NMT1: variants seen among roughly 807,000 people sequenced by gnomAD.
The protein encoded by NMT1 is N-myristoyltransferase 1, also known as glycylpeptide N-tetradecanoyltransferase 1.
In NMT1, 12 loss-of-function variants were observed where a neutral mutation model predicts 63.4. The observed-to-expected ratio is 0.19, with a 90% CI of 0.12 to 0.31. NMT1 has a LOEUF of 0.31. NMT1 is among the 10% of genes least tolerant of loss of function. NMT1 has a pLI of 1.00. For missense variants in NMT1, 432 were observed against 634.6 expected, an observed-to-expected ratio of 0.68 and a Z score of 3.43; for synonymous variants, 228 against 234.3, an observed-to-expected ratio of 0.97 and a Z score of 0.25.
At chr17:45,101,803 T>C (rs1028139957) in intron 8 of NMT1, among the ~76,000 whole-genome samples, 1 of 152,134 alleles carries the variant, frequency 6.6e-6, no homozygotes, top group Non-Finnish European at 1.5e-5. Flanking sequence ...CACCTAGTGA[T>C]TGGGGTCATT....
intron 1 of NMT1, among the ~76,000 whole-genome samples, chr17:45,073,788 T>A (rs2053958329): frequency 6.6e-6 from 1 of 152,190 alleles, no homozygotes; most frequent in East Asian, 1.9e-4. Flanking sequence ...AGATGCTAGT[T>A]GGTTGGTTGA....
chr17:45,087,452 A>C (rs2054062236), intron 3 of NMT1, among the ~76,000 whole-genome samples: 1 of 152,212 alleles, frequency 6.6e-6, no homozygotes. Context: ...ACCCCTTAAA[A>C]AAGCTATAAT....
At chr17:45,067,513 G>A (rs1327842606) in intron 1 of NMT1, among the ~76,000 whole-genome samples, 1 of 152,162 alleles carries the variant, frequency 6.6e-6, no homozygotes, top group Non-Finnish European at 1.5e-5. Context: ...CTTAGGAGGA[G>A]AGAAAAGTCT....
chr17:45,074,262 C>T (rs1341141663), intron 1 of NMT1, among the ~76,000 whole-genome samples: 2 of 150,402 alleles, frequency 1.3e-5, no homozygotes, highest in East Asian at 1.9e-4. Flanking sequence ...TCGCCCAGGC[C>T]GGAGTGCAGT....
intron 1 of NMT1, among the ~76,000 whole-genome samples, chr17:45,075,209 TG>T (rs1423511969): frequency 2.0e-5 from 3 of 151,936 alleles, no homozygotes; most frequent in Non-Finnish European, 4.4e-5. Context: ...AACAGCCAGG[TG>T]CGGTGGCTCA....
At chr17:45,073,304 A>G (rs2053955218) in intron 1 of NMT1, among the ~76,000 whole-genome samples, 2 of 152,048 alleles carry the variant, frequency 1.3e-5, no homozygotes, top group African/African-American at 4.8e-5. Context: ...CTGAAATCCC[A>G]GCTTTTCAGG....
intron 7 of NMT1, among the ~76,000 whole-genome samples, chr17:45,099,142 T>C (rs1221023876): frequency 6.6e-6 from 1 of 152,134 alleles, no homozygotes; most frequent in Non-Finnish European, 1.5e-5. Context: ...GGAGTGAGGA[T>C]TGGTCTCCCC....
rs139928454 is a variant in NMT1, at chr17:45,103,914, G to T, written c.1332+38G>T. On this transcript the variant is annotated intron_variant, in intron 10 of 11. Transcript: ENST00000258960. This position sits in a 1 kb window ranked among gnomAD's most constrained non-coding sequence, Gnocchi z 4.8. ...CGGGGGGGTCTCTGGAGATGTGCAG[G>T]GAAGAGGCAGTGGAGCCATGGTGAG... 6.2e-7 allele frequency: 1 copy of T among 1,610,294 alleles called. No homozygotes were observed. Among genetic ancestry groups the T allele is most frequent in the African/African-American group, 1.3e-5 (1 of 74,916 alleles).
chr17:45,078,302 AG>A (rs907139906), intron 1 of NMT1, among the ~76,000 whole-genome samples: 14 of 152,218 alleles, frequency 9.2e-5, no homozygotes, highest in Non-Finnish European at 4.4e-5. Context: ...TATAGAGTTC[AG>A]GTGATGCAGA....
In NMT1 at chr17:45,105,730, G is replaced by A. The variant is rs559236400; in HGVS notation, c.*91G>A. The stretch of plus-strand genomic sequence containing the variant: ...CTGTTGGTCCAATTTTCACACACGT[G>A]AGAATCCCTGGCAAAGGGAGCAGAA... On this transcript the variant is annotated 3_prime_UTR_variant, in exon 12 of 12. Coordinates refer to ENST00000258960, the MANE Select transcript of NMT1 (RefSeq NM_021079.5). The surrounding 1 kb of genome is among the most constrained non-coding windows in gnomAD (Gnocchi z 4.2). 17 of 1,324,072 alleles carry A rather than the reference G, an allele frequency of 1.3e-5. No homozygotes were observed. The South Asian group carries it at 1.9e-4, about 15-fold the overall frequency. The allele number at this position is 1,324,072 out of a possible 1,614,324, so 82.0% of individuals were successfully genotyped here.
intron 3 of NMT1, among the ~76,000 whole-genome samples, 190 bp downstream of exon 3, chr17:45,086,842 T>C (rs374352785): frequency 1.4e-4 from 21 of 152,212 alleles, no homozygotes; most frequent in African/African-American, 4.8e-4. Context: ...CTTACCATTT[T>C]ATAGCAGCAC....
intron 1 of NMT1, chr17:45,071,624 A>T (rs1443783239): frequency 6.6e-6 from 1 of 152,154 alleles, no homozygotes; most frequent in Non-Finnish European, 1.5e-5. Context: ...TGTGAATTTT[A>T]TTTCCCAAAC....
At chr17:45,080,860 G>A (rs187802174) in intron 1 of NMT1, among the ~76,000 whole-genome samples, 6 of 151,234 alleles carry the variant, frequency 4.0e-5, no homozygotes, top group East Asian at 2.0e-4. Flanking sequence ...TCCACCTCCC[G>A]GGTTCAAGCA....
At chr17:45,075,129 A>G (rs1459456502) in intron 1 of NMT1, among the ~76,000 whole-genome samples, 1 of 152,194 alleles carries the variant, frequency 6.6e-6, no homozygotes, top group Non-Finnish European at 1.5e-5. Context: ...TGGAGGCTGC[A>G]GTGAGCCATG....
At chr17:45,095,110 CTTT>C (rs36075240) in intron 4 of NMT1, among the ~76,000 whole-genome samples, 82 of 141,822 alleles carry the variant, frequency 5.8e-4, no homozygotes, top group Middle Eastern at 3.6e-3. Flanking sequence ...TGCGCCCAGT[CTTT>C]TTTTTTTTTT....
At chr17:45,099,544 G>T (rs1447849288) in intron 8 of NMT1, 31 bp downstream of exon 8, 5 of 1,485,162 alleles carry the variant, frequency 3.4e-6, no homozygotes, top group South Asian at 1.1e-5. Flanking sequence ...TGGGCAGGGG[G>T]CAGAGAGAGG....
chr17:45,079,866 AT>A (rs201797013), intron 1 of NMT1, among the ~76,000 whole-genome samples: 5,138 of 152,012 alleles, frequency 0.034, 292 homozygotes, highest in African/African-American at 0.12. Flanking sequence ...CGCCTGGCTA[AT>A]TTTTTGTATT....
At chr17:45,073,515 G>T (rs2053956638) in intron 1 of NMT1, among the ~76,000 whole-genome samples, 1 of 152,142 alleles carries the variant, frequency 6.6e-6, no homozygotes, top group Non-Finnish European at 1.5e-5. Flanking sequence ...TGTTTTAGGA[G>T]ATTATAGTTT....
intron 1 of NMT1, among the ~76,000 whole-genome samples, chr17:45,075,014 G>T (rs1259202099): frequency 6.6e-6 from 1 of 152,106 alleles, no homozygotes; most frequent in Non-Finnish European, 1.5e-5. Flanking sequence ...AGGAGTTTGA[G>T]CCCAGCCTAA....
Sources: allele counts gnomAD v4.1 joint callset (sites outside exome capture counted in the v4.1 genomes callset), GRCh38; gene constraint gnomAD v4.1.1; non-coding constraint Gnocchi (gnomAD v3.1); transcripts MANE v1.5; gene names NCBI Gene and HGNC (gene_info 2026-07-23, HGNC 2026-07-21).